Variants in ABCA12 observed in about 807,000 individuals in gnomAD.
The protein encoded by ABCA12 is glucosylceramide transporter ABCA12.
In ABCA12, 156 loss-of-function variants were observed where a neutral mutation model predicts 293.5. The observed-to-expected ratio is 0.53, with a 90% CI of 0.47 to 0.61. The LOEUF (loss-of-function observed/expected upper bound fraction) is 0.61, where lower values mean the gene tolerates loss of function less well. Ranked by LOEUF, ABCA12 falls within the 20% of genes least tolerant of loss-of-function variation. The pLI is 0.00. For synonymous variants in ABCA12, 1,063 were observed against 1,108.0 expected (o/e 0.96, Z 0.81); for missense variants, 2,797 against 3,090.2 (o/e 0.91, Z 2.25).
intron 38 of ABCA12, among the ~76,000 whole-genome samples, chr2:214,968,169 C>T (rs890312885): frequency 3.9e-5 from 6 of 152,032 alleles, no homozygotes; most frequent in Non-Finnish European, 7.4e-5. Context: ...AAACTATACA[C>T]GGGTTGAGAA....
intron 1 of ABCA12, among the ~76,000 whole-genome samples, chr2:215,124,090 G>A (rs1190885671): frequency 1.3e-5 from 2 of 152,154 alleles, no homozygotes; most frequent in Non-Finnish European, 2.9e-5. Context: ...CACTGCAAAT[G>A]CTGTTAATTC....
intron 14 of ABCA12, chr2:215,017,620 T>C (rs1700532888): frequency 5.4e-6 from 1 of 186,570 alleles, no homozygotes; most frequent in Admixed American, 5.5e-5. Flanking sequence ...TACAATGTAA[T>C]TGCGACAGTG....
At position 215,092,391 on chromosome 2, in the gene ABCA12, G is replaced by T. The variant is rs111577313; in HGVS notation, c.163+19206C>A. ...AAAATTATCCGCTACTCTGTTCCTG[G>T]ACTATAGCCACATCTAATTGCCACC... On this transcript the variant is annotated intron_variant, in intron 2 of 52. Transcript: ENST00000272895. Among the ~76,000 whole-genome samples, 761 of 152,040 alleles carry T rather than the reference G, an allele frequency of 5.0e-3. 5 individuals carry two copies. The highest frequency in any genetic ancestry group is 0.017 in the African/African-American group (719 of 41,452).
rs535404027 is a variant in ABCA12, at chr2:214,932,109, A to ACAT, written c.*522_*524dup. ...AAAGTGACATACACATACATTGTAAACATTGTGCCCACTGCTCTGCAAACG... is the reference window on the plus strand; with the variant it reads ...AAAGTGACATACACATACATTGTAAACATCATTGTGCCCACTGCTCTGCAAACG... On this transcript the variant is annotated 3_prime_UTR_variant, in exon 53 of 53. Transcript: ENST00000272895. The ACAT allele has an allele frequency of 4.5e-4, 79 of 175,112 alleles. No individual in the cohort carries two copies. The South Asian group carries it at 8.3e-3, about 18-fold the overall frequency. The allele number at this position is 175,112 out of a possible 1,614,324, so 10.8% of individuals were successfully genotyped here.
intron 31 of ABCA12, 43 bp from the exon 32 acceptor site, chr2:214,979,083 C>T (rs1316725727): frequency 1.9e-6 from 3 of 1,544,676 alleles, no homozygotes; most frequent in South Asian, 2.2e-5. Context: ...CCTCTCTTTA[C>T]ACTATAGTGC....
Position 215,138,426 on chromosome 2 carries a change from T to C in ABCA12, c.-218A>G. 1.7e-6 allele frequency: 1 copy of C among 586,248 alleles called. No homozygotes were observed. Among genetic ancestry groups the C allele is most frequent in the Non-Finnish European group, 3.0e-6 (1 of 328,182 alleles). The allele number at this position is 586,248 out of a possible 1,614,324, so 36.3% of individuals were successfully genotyped here. A position where few individuals can be genotyped will look rare whatever the true frequency, so the allele number is the denominator to read the frequency against. On this transcript the variant is annotated 5_prime_UTR_variant, in exon 1 of 53. Coordinates refer to ENST00000272895, the MANE Select transcript of ABCA12 (RefSeq NM_173076.3). ...CCAAGAGGCACTTCTCAATCAACTC[T>C]TCTTCCAAAAGAAGGACCCAGATCA... is the stretch of plus-strand genomic sequence containing the variant.
intron 51 of ABCA12, among the ~76,000 whole-genome samples, 194 bp from the exon 52 acceptor site, chr2:214,934,409 G>A (rs577786398): frequency 6.6e-6 from 1 of 152,240 alleles, no homozygotes; most frequent in East Asian, 1.9e-4. Flanking sequence ...GAATGTCAAA[G>A]AGAAAACAAA....
In ABCA12 at chr2:215,001,696, C is replaced by T. The variant is rs767059932; in HGVS notation, c.2725G>A (p.Asp909Asn). The change falls in exon 21 of 53, where the codon GAT becomes AAT. Residue 909 changes from aspartate (D) to asparagine (N), a missense_variant. This residue lies in a region of ABCA12 where 2,130 missense variants were observed against 2,427.0 expected (regional missense o/e 0.88). Coordinates refer to ENST00000272895, the MANE Select transcript of ABCA12 (RefSeq NM_173076.3). The part of the protein sequence containing the change: ...LKLENNIDII[D>N]QLNTLSSLTV... ...AGGGAAGATAGTGTGTTAAGCTGAT[C>T]GATGATGTCAATGTTGTTCTCTAAT... 2.9e-5 allele frequency: 47 copies of T among 1,613,178 alleles called. No homozygotes were observed. The highest frequency in any genetic ancestry group is 1.2e-4 in the South Asian group (11 of 91,038).
At chr2:215,099,334 G>A (rs981764541) in intron 2 of ABCA12, among the ~76,000 whole-genome samples, 1 of 152,176 alleles carries the variant, frequency 6.6e-6, no homozygotes, top group Non-Finnish European at 1.5e-5. Flanking sequence ...TGACGTCCTA[G>A]CCCAAATCCT....
chr2:214,955,308 C>T lies in ABCA12; in HGVS notation c.6287G>A (p.Gly2096Glu). Residue 2096 changes from glycine (G) to glutamate (E), a missense_variant, in exon 43 of 53, where the codon GGA becomes GAA. Physicochemically the swap from Gly to Glu is moderately conservative, Grantham distance 98. Transcript: ENST00000272895. ...YLLAGLFHET[G>E]MAFITYVCVN... ...ACAGACGTAAGTGATGAAGGCCATT[C>T]CTGTTTCATGGAAGAGCCCAGCCAG... The T allele has an allele frequency of 1.9e-6, 3 of 1,614,132 alleles. No homozygotes were observed. The South Asian group carries it at 3.3e-5, about 18-fold the overall frequency.
intron 23 of ABCA12, among the ~76,000 whole-genome samples, chr2:214,991,582 G>C (rs1294913598): frequency 6.6e-6 from 1 of 152,090 alleles, no homozygotes; most frequent in Non-Finnish European, 1.5e-5. Context: ...CATAACTTAA[G>C]GGAGACCTCC....
chr2:215,051,199 C>T (rs1701313023), intron 5 of ABCA12, among the ~76,000 whole-genome samples: 1 of 152,152 alleles, frequency 6.6e-6, no homozygotes, highest in South Asian at 2.1e-4. Context: ...CTAATTTATA[C>T]ACTGTGCTTG....
intron 48 of ABCA12, 32 bp from the exon 49 acceptor site, chr2:214,945,136 A>C: frequency 6.5e-7 from 1 of 1,545,376 alleles, no homozygotes; most frequent in African/African-American, 1.4e-5. Context: ...AAATTTATCA[A>C]ATTAATTAAT....
intron 2 of ABCA12, among the ~76,000 whole-genome samples, chr2:215,082,069 G>A (rs1364560872): frequency 9.6e-6 from 1 of 104,170 alleles, no homozygotes; most frequent in Non-Finnish European, 1.8e-5. Flanking sequence ...TTTTGAGACA[G>A]AGTCTTGCTC....
intron 23 of ABCA12, among the ~76,000 whole-genome samples, chr2:214,996,880 C>G (rs1700046413): frequency 6.6e-6 from 1 of 152,048 alleles, no homozygotes; most frequent in Admixed American, 6.5e-5. Context: ...TTCAGCCAGG[C>G]CTTGCAATAA....
chr2:214,958,937 T>A, intron 40 of ABCA12, 87 bp downstream of exon 40: 1 of 1,302,386 alleles, frequency 7.7e-7, no homozygotes, highest in Admixed American at 1.7e-5. Context: ...TTCATTCAGA[T>A]ACAACTGTGA....
At chr2:215,133,149 ATTTTTTTTTTTTTTT>A (rs55641331) in intron 1 of ABCA12, among the ~76,000 whole-genome samples, 373 of 34,872 alleles carry the variant, frequency 0.011, 3 homozygotes, top group East Asian at 0.072. Flanking sequence ...GCTGGCTTTA[ATTTTTTTTTTTTTTT>A]TTTTTTTTTT....
chr2:215,112,912 T>G (rs1702607683), intron 1 of ABCA12, among the ~76,000 whole-genome samples: 1 of 152,214 alleles, frequency 6.6e-6, no homozygotes, highest in Admixed American at 6.5e-5. Context: ...TAGACCTATA[T>G]AATTGGCTCC....
intron 22 of ABCA12, chr2:214,999,727 G>A (rs1700102663): frequency 1.2e-6 from 1 of 855,950 alleles, no homozygotes; most frequent in African/African-American, 1.8e-5. Context: ...GCACAGTCCC[G>A]TCCACAACAG....
Sources: allele counts gnomAD v4.1 joint callset (sites outside exome capture counted in the v4.1 genomes callset), GRCh38; gene constraint gnomAD v4.1.1; regional missense constraint gnomAD v4.1.1; transcripts MANE v1.5; gene names NCBI Gene and HGNC (gene_info 2026-07-23, HGNC 2026-07-21).